Variants in CLIC3 observed in about 807,000 individuals in gnomAD.
The protein encoded by CLIC3 is chloride intracellular channel protein 3.
A neutral mutation model predicts 19.9 loss-of-function variants in CLIC3; 29 were observed. That is an observed-to-expected ratio of 1.46 (90% CI 1.09 to 1.99). The LOEUF is 1.99. Ranked by LOEUF, CLIC3 falls within the 30% of genes most tolerant of loss-of-function variation. The probability of loss-of-function intolerance (pLI) is 0.00; values close to 1 mark genes in which losing one functional copy is unlikely to be tolerated. For missense variants in CLIC3, 365 were observed against 342.6 expected, an observed-to-expected ratio of 1.07 and a Z score of -0.52; for synonymous variants, 143 against 156.4, an observed-to-expected ratio of 0.91 and a Z score of 0.64.
At chr9:136,994,899 A>AGCCCC in intron 5 of CLIC3, 31 bp downstream of exon 5, 4 of 1,254,252 alleles carry the variant, frequency 3.2e-6, no homozygotes, top group South Asian at 1.4e-5. Context: ...CGCCGCGGTC[A>AGCCCC]CCCTCCCGCC....
intron 2 of CLIC3, 25 bp downstream of exon 2, chr9:136,995,623 G>A (rs781390689): frequency 1.9e-6 from 3 of 1,609,134 alleles, no homozygotes; most frequent in African/African-American, 2.7e-5. Flanking sequence ...GAGGCCAGGC[G>A]GGGGTCCACA....
In CLIC3 at chr9:136,994,670, G is replaced by C; in HGVS notation, c.*11C>G. On this transcript the variant is annotated 3_prime_UTR_variant, in exon 6 of 6. Transcript: ENST00000494426. ...GATGCCTTTATTGGGCGACAGACGC[G>C]GGGTGGGGCGCTAGCGGGGGTGCAC... 2.5e-6 allele frequency: 4 copies of C among 1,602,772 alleles called. No homozygotes were observed. In the Middle Eastern group the frequency reaches 5.9e-4, roughly 237 times the overall value.
chr9:136,995,975 G>C (rs1449411153), intron 1 of CLIC3, among the ~76,000 whole-genome samples: 1 of 152,210 alleles, frequency 6.6e-6, no homozygotes, highest in Non-Finnish European at 1.5e-5. Flanking sequence ...CTTGAGGCCT[G>C]GGGCAGGCTT....
At chr9:136,996,469 T>C (rs1419135809) in intron 1 of CLIC3, 42 bp downstream of exon 1, 18 of 1,538,804 alleles carry the variant, frequency 1.2e-5, no homozygotes, top group Non-Finnish European at 1.5e-5. Flanking sequence ...AGAAAAGCGC[T>C]TCCTCCCAGA....
chr9:136,996,489 C>G (rs2292922), intron 1 of CLIC3, 22 bp downstream of exon 1: 6 of 1,552,338 alleles, frequency 3.9e-6, no homozygotes, highest in East Asian at 4.8e-5. Flanking sequence ...ACACCCTCCC[C>G]GCAGCTGAGT....
rs1327038015 is a variant in CLIC3 at position 136,994,828 on chromosome 9, C to A, written c.564G>T (p.Ala188=). The change falls in exon 6 of 6, where the codon GCG becomes GCT. Residue 188 remains alanine (A), a synonymous_variant. Coordinates refer to ENST00000494426, the MANE Select transcript of CLIC3 (RefSeq NM_004669.3). ...PKLHIVDTVC[A]HFRQAPIPAE... The stretch of plus-strand genomic sequence containing the variant: ...CGGGGATGGGCGCCTGGCGGAAGTG[C>A]GCGCACACCGTCTGCGGGCAGGATC... The A allele has an allele frequency of 1.3e-6, 2 of 1,566,470 alleles. No homozygotes were observed. The highest frequency in any genetic ancestry group is 4.7e-5 in the East Asian group (2 of 42,122).
At position 136,995,662 on chromosome 9, in the gene CLIC3, C is replaced by T. The variant is rs772540716; in HGVS notation, c.129G>A (p.Thr43=). ...TGGGGCCTCACCTGCGCGTGTCCAC[C>T]GTGGTGAGGGTGAAAGGTACGCCCT... ...LLKGVPFTLT[T]VDTRRSPDVL... is the part of the protein sequence containing the mutation. The change falls in exon 2 of 6, where the codon ACG becomes ACA. Residue 43 remains threonine, a synonymous_variant. Transcript: ENST00000494426. 1 of 1,610,674 alleles carries T rather than the reference C, an allele frequency of 6.2e-7. No individual in the cohort carries two copies. The highest frequency in any genetic ancestry group is 1.7e-5 in the Admixed American group (1 of 59,692).
chr9:136,995,711 C>A lies in CLIC3; in HGVS notation c.80G>T (p.Arg27Leu). 1.2e-6 allele frequency: 2 copies of A among 1,604,266 alleles called. No homozygotes were observed. Among genetic ancestry groups the A allele is most frequent in the Non-Finnish European group, 1.7e-6 (2 of 1,176,638 alleles). Residue 27 changes from arginine to leucine, a missense_variant, in exon 2 of 6, where the codon CGG (arginine) becomes CTG (leucine). By Grantham distance (102) the Arg-to-Leu change is moderately radical. Transcript: ENST00000494426. ...ESVGHCPSCQRLFMVLLLKGV... is the reference protein window; with the variant it reads ...ESVGHCPSCQLLFMVLLLKGV... ...CTTGAGGAGCAGGACCATGAAGAGC[C>A]GCTGGCAGGAGGGGCAGTGACCCAC...
At chr9:136,995,421 C>A in intron 3 of CLIC3, 21 bp downstream of exon 3, 2 of 1,612,034 alleles carry the variant, frequency 1.2e-6, no homozygotes, top group Non-Finnish European at 1.7e-6. Flanking sequence ...TTTTCCCCTC[C>A]CACCCTGCCG....
intron 4 of CLIC3, 24 bp downstream of exon 4, chr9:136,995,162 C>T (rs1342598726): frequency 1.2e-6 from 2 of 1,602,814 alleles, no homozygotes; most frequent in Non-Finnish European, 8.5e-7. Flanking sequence ...CGCCTGGGCA[C>T]CCGACCCCCT....
chr9:136,994,752 CT>C lies in CLIC3; in HGVS notation c.639del (p.Glu214SerfsTer44), dbSNP rs745385724. On this transcript the variant is annotated frameshift_variant, in exon 6 of 6. Coordinates refer to ENST00000494426, the MANE Select transcript of CLIC3 (RefSeq NM_004669.3). LOFTEE classifies it high-confidence loss of function. ...RRYLDSAMQE[K>X]EFKYTCPHSA... ...CTGTGCGGACACGTGTATTTGAACT[CT>C]TTCTCCTGCATCGCGCTGTCCAGGT... is the stretch of plus-strand genomic sequence containing the variant. The C allele has an allele frequency of 2.5e-6, 4 of 1,607,322 alleles. No homozygotes were observed. The highest frequency in any genetic ancestry group is 3.4e-6 in the Non-Finnish European group (4 of 1,177,628).
Position 136,994,752 on chromosome 9 carries a change from C to T in CLIC3, c.640G>A (p.Glu214Lys). 6.2e-7 allele frequency: 1 copy of T among 1,607,440 alleles called. No homozygotes were observed. Among genetic ancestry groups the T allele is most frequent in the Non-Finnish European group, 8.5e-7 (1 of 1,177,620 alleles). ...CTGTGCGGACACGTGTATTTGAACT[C>T]TTTCTCCTGCATCGCGCTGTCCAGG... is the stretch of plus-strand genomic sequence containing the variant. Reference protein sequence around the residue: ...RYLDSAMQEKEFKYTCPHSAE... With the variant: ...RYLDSAMQEKKFKYTCPHSAE... Residue 214 changes from glutamate (E) to lysine (K), a missense_variant, in exon 6 of 6, where the codon GAG (glutamate) becomes AAG (lysine). Transcript: ENST00000494426.
chr9:136,995,601 C>G, intron 2 of CLIC3, 34 bp from the exon 3 acceptor site: 1 of 1,610,380 alleles, frequency 6.2e-7, no homozygotes, highest in Non-Finnish European at 8.5e-7. Flanking sequence ...GGAGGCCGGC[C>G]CACCAGTGTG....
Position 136,994,705 on chromosome 9 carries a change from G to A in CLIC3, c.687C>T (p.Tyr229=), listed in dbSNP as rs767635674. 3 of 1,609,518 alleles carry A rather than the reference G, an allele frequency of 1.9e-6. No homozygotes were observed. The highest frequency in any genetic ancestry group is 2.7e-5 in the African/African-American group (2 of 74,864). The change falls in exon 6 of 6, where the codon TAC becomes TAT. Residue 229 remains tyrosine (Y), a synonymous_variant. Coordinates refer to ENST00000494426, the MANE Select transcript of CLIC3 (RefSeq NM_004669.3). ...GCTAGCGGGGGTGCACGGCGGGCCG[G>A]TAGGCCGCCAGGATCTCGGCGCTGT... ...CPHSAEILAA[Y]RPAVHPR
chr9:136,995,015 AGCT>A lies in CLIC3; in HGVS notation c.464_466del (p.Gln155del). On this transcript the variant is annotated inframe_deletion, in exon 5 of 6. Transcript: ENST00000494426. ...CAGGAAGCGGCGGCGGGACTCGCGC[AGCT>A]GCGGCTCCCCCGCCAGCTCGTGCTC... The A allele has an allele frequency of 6.6e-7, 1 of 1,505,792 alleles. No individual in the cohort carries two copies. The highest frequency in any genetic ancestry group is 8.8e-7 in the Non-Finnish European group (1 of 1,132,708). The allele number at this position is 1,505,792 out of a possible 1,614,324, so 93.3% of individuals were successfully genotyped here. A position where few individuals can be genotyped will look rare whatever the true frequency, so the allele number is the denominator to read the frequency against.
chr9:136,995,585 G>A lies in CLIC3; in HGVS notation c.144-18C>T. 1.2e-6 allele frequency: 2 copies of A among 1,611,172 alleles called. No homozygotes were observed. The highest frequency in any genetic ancestry group is 1.7e-6 in the Non-Finnish European group (2 of 1,178,880). ...CCGGGGACCTGCGGGCAGCAGCGGGGTGGGAGGAGGCCGGCCCACCAGTGT... is the reference window on the plus strand; with the variant it reads ...CCGGGGACCTGCGGGCAGCAGCGGGATGGGAGGAGGCCGGCCCACCAGTGT... On this transcript the variant is annotated intron_variant, in intron 2 of 5. Transcript: ENST00000494426.
Position 136,994,807 on chromosome 9 carries a change from G to A in CLIC3, c.585C>T (p.Ile195=). 6.3e-7 allele frequency: 1 copy of A among 1,586,706 alleles called. No individual in the cohort carries two copies. ...GGCGTACGCCGCGCAGCTCCGCGGG[G>A]ATGGGCGCCTGGCGGAAGTGCGCGC... ...TVCAHFRQAP[I]PAELRGVRRY... The change falls in exon 6 of 6, where the codon ATC becomes ATT. Residue 195 remains isoleucine (I), a synonymous_variant. Coordinates refer to ENST00000494426, the MANE Select transcript of CLIC3 (RefSeq NM_004669.3).
rs754185672 is a variant in CLIC3, at chr9:136,996,495, T to C, written c.33+16A>G. ...TCCTCCCAGACACCCTCCCCGCAGC[T>C]GAGTCCGCCCTGCACCTTGACAAAC... is the stretch of plus-strand genomic sequence containing the variant. On this transcript the variant is annotated intron_variant, in intron 1 of 5. Coordinates refer to ENST00000494426, the MANE Select transcript of CLIC3 (RefSeq NM_004669.3). 2 of 1,553,724 alleles carry C rather than the reference T, an allele frequency of 1.3e-6. No individual in the cohort carries two copies. Among genetic ancestry groups the C allele is most frequent in the East Asian group, 2.4e-5 (1 of 41,526 alleles).
rs778084801 is a variant in CLIC3 at position 136,994,813 on chromosome 9, C to A, written c.579G>T (p.Ala193=). ...VDTVCAHFRQ[A]PIPAELRGVR... ...CGCCGCGCAGCTCCGCGGGGATGGG[C>A]GCCTGGCGGAAGTGCGCGCACACCG... The change falls in exon 6 of 6, where the codon GCG becomes GCT. Residue 193 remains alanine (A), a synonymous_variant. Transcript: ENST00000494426. 4 of 1,582,836 alleles carry A rather than the reference C, an allele frequency of 2.5e-6. No homozygotes were observed. Among genetic ancestry groups the A allele is most frequent in the Non-Finnish European group, 3.4e-6 (4 of 1,165,792 alleles).
Sources: gnomAD v4.1 joint callset for allele counts (sites outside exome capture counted in the v4.1 genomes callset) on GRCh38, gnomAD v4.1.1 for gene constraint, MANE v1.5 for transcripts, NCBI Gene and HGNC (gene_info 2026-07-23, HGNC 2026-07-21) for gene names.